CREB1: variants seen among roughly 807,000 people sequenced by gnomAD.
CREB1 encodes cAMP responsive element binding protein 1.
A neutral mutation model predicts 42.0 loss-of-function variants in CREB1; 2 were observed. That is an observed-to-expected ratio of 0.05 (90% CI 0.02 to 0.15). The LOEUF (loss-of-function observed/expected upper bound fraction) is 0.15, where lower values mean the gene tolerates loss of function less well. CREB1 is among the 10% of genes least tolerant of loss of function. The pLI is 1.00. For missense variants in CREB1, 199 were observed against 388.9 expected, an observed-to-expected ratio of 0.51 and a Z score of 4.11; for synonymous variants, 123 against 139.9, an observed-to-expected ratio of 0.88 and a Z score of 0.85.
intron 1 of CREB1, among the ~76,000 whole-genome samples, chr2:207,553,011 T>A (rs2081574158): frequency 1.3e-5 from 2 of 152,050 alleles, no homozygotes; most frequent in Admixed American, 6.6e-5. Flanking sequence ...GTTTTTTGTT[T>A]TTATATGCCA....
chr2:207,566,110 G>A (rs146644138), intron 3 of CREB1, among the ~76,000 whole-genome samples: 1 of 152,274 alleles, frequency 6.6e-6, no homozygotes, highest in African/African-American at 2.4e-5. Flanking sequence ...ACTTTAAAGT[G>A]TTTGGATGGG....
chr2:207,544,403 T>C (rs2081221557), intron 1 of CREB1, among the ~76,000 whole-genome samples: 2 of 152,204 alleles, frequency 1.3e-5, no homozygotes, highest in Non-Finnish European at 2.9e-5. Flanking sequence ...AAATAGAAGT[T>C]TATGGTTTTA....
Position 207,605,278 on chromosome 2 carries a change from A to T in CREB1, c.*8220A>T, listed in dbSNP as rs550509821. Among the ~76,000 whole-genome samples the T allele has an allele frequency of 6.6e-6, 1 of 152,136 alleles. No homozygotes were observed. Among genetic ancestry groups the T allele is most frequent in the South Asian group, 2.1e-4 (1 of 4,824 alleles). ...GCCATCCTCATGGGTGTGGTCTCTCATTGTGGTTTTGATTTGCATTTCCCT... is the reference window on the plus strand; with the variant it reads ...GCCATCCTCATGGGTGTGGTCTCTCTTTGTGGTTTTGATTTGCATTTCCCT... On this transcript the variant is annotated 3_prime_UTR_variant, in exon 8 of 8. Coordinates refer to ENST00000353267, the MANE Select transcript of CREB1 (RefSeq NM_004379.5).
chr2:207,569,692 T>C (rs139599109), intron 4 of CREB1, among the ~76,000 whole-genome samples: 2,201 of 152,188 alleles, frequency 0.014, 30 homozygotes, highest in Non-Finnish European at 0.018. Flanking sequence ...TGGGTTCCTT[T>C]TGACATCTAG....
chr2:207,596,947 A>G lies in CREB1; in HGVS notation c.873A>G (p.Lys291=), dbSNP rs887274989. Residue 291 remains lysine, a synonymous_variant, in exon 8 of 8, where the codon AAA becomes AAG. Transcript: ENST00000353267. ...EAARECRRKK[K]EYVKCLENRV... ...CTCGAGAGTGTCGTAGAAAGAAGAA[A>G]GAATATGTGAAATGTTTAGAAAACA... The G allele has an allele frequency of 6.2e-7, 1 of 1,611,448 alleles. No homozygotes were observed. The highest frequency in any genetic ancestry group is 1.1e-5 in the South Asian group (1 of 90,420).
chr2:207,574,262 T>G (rs769156122), intron 5 of CREB1, among the ~76,000 whole-genome samples: 1 of 152,218 alleles, frequency 6.6e-6, no homozygotes, highest in East Asian at 1.9e-4. Context: ...CTTTCCTGCA[T>G]TGTTTACTTT....
intron 1 of CREB1, among the ~76,000 whole-genome samples, chr2:207,534,163 A>G (rs992175436): frequency 2.6e-5 from 4 of 152,242 alleles, no homozygotes; most frequent in African/African-American, 4.8e-5. Flanking sequence ...GGGGTTAACT[A>G]TAAAGTAATA....
At chr2:207,570,136 T>G in intron 4 of CREB1, 43 bp from the exon 5 acceptor site, 2 of 1,466,692 alleles carry the variant, frequency 1.4e-6, no homozygotes, top group Non-Finnish European at 1.9e-6. Context: ...AGCCAGTAAA[T>G]TGTACTTATA....
At chr2:207,581,308 T>G in intron 7 of CREB1, 1 of 197,434 alleles carries the variant, frequency 5.1e-6, no homozygotes. Context: ...AAAATGTATT[T>G]GATATGAATT....
intron 1 of CREB1, among the ~76,000 whole-genome samples, chr2:207,554,651 A>C (rs895269649): frequency 1.1e-4 from 16 of 152,324 alleles, no homozygotes; most frequent in African/African-American, 3.6e-4. Context: ...GCTGCCATCC[A>C]GTGTTACATT....
intron 6 of CREB1, among the ~76,000 whole-genome samples, chr2:207,575,801 G>C (rs1184645849): frequency 1.3e-5 from 2 of 152,040 alleles, no homozygotes; most frequent in African/African-American, 4.8e-5. Flanking sequence ...TTGAGTAAAA[G>C]TCAGCTGCTC....
At position 207,534,962 on chromosome 2, in the gene CREB1, A is replaced by G. The variant is rs111542318; in HGVS notation, c.-9+4828A>G. Among the ~76,000 whole-genome samples the G allele has an allele frequency of 7.9e-3, 1,206 of 152,284 alleles. 18 individuals are homozygous for G. Among genetic ancestry groups the G allele is most frequent in the African/African-American group, 0.027 (1,140 of 41,550 alleles). ...CCCCACCACTTAATATGGCTTAGCA[A>G]TTTTGTATCAGCACATAAAGAGCTT... On this transcript the variant is annotated intron_variant, in intron 1 of 7. Transcript: ENST00000353267.
chr2:207,596,170 C>T (rs1193451701), intron 7 of CREB1, among the ~76,000 whole-genome samples: 1 of 152,130 alleles, frequency 6.6e-6, no homozygotes, highest in Non-Finnish European at 1.5e-5. Context: ...GGCCCAACCT[C>T]ACTCTTTTGC....
At chr2:207,531,463 A>G (rs2551639) in intron 1 of CREB1, among the ~76,000 whole-genome samples, 24,069 of 152,222 alleles carry the variant, frequency 0.16, 2,100 homozygotes, top group Middle Eastern at 0.21. Flanking sequence ...GGACAGCAGA[A>G]AAGTCATTGA....
At chr2:207,572,242 AAGAG>A (rs1277210374) in intron 5 of CREB1, among the ~76,000 whole-genome samples, 2 of 149,850 alleles carry the variant, frequency 1.3e-5, no homozygotes, top group Admixed American at 6.6e-5. Flanking sequence ...AAAAAAAAAA[AAGAG>A]AGATTAATAC....
At chr2:207,585,958 A>G (rs1463793880) in intron 7 of CREB1, among the ~76,000 whole-genome samples, 2 of 151,726 alleles carry the variant, frequency 1.3e-5, no homozygotes, top group East Asian at 3.8e-4. Context: ...ATTTAACAAA[A>G]TAATCACTGA....
chr2:207,535,393 A>G (rs1023039303), intron 1 of CREB1, among the ~76,000 whole-genome samples: 1 of 152,158 alleles, frequency 6.6e-6, no homozygotes, highest in African/African-American at 2.4e-5. Context: ...TTTCTTAATG[A>G]GAAAGAACAT....
chr2:207,605,595 G>C lies in CREB1; in HGVS notation c.*8537G>C, dbSNP rs1034019211. Among the ~76,000 whole-genome samples, 1 of 152,142 alleles carries C rather than the reference G, an allele frequency of 6.6e-6. No homozygotes were observed. The highest frequency in any genetic ancestry group is 2.4e-5 in the African/African-American group (1 of 41,414). On this transcript the variant is annotated 3_prime_UTR_variant, in exon 8 of 8. Transcript: ENST00000353267. ...TGTGTTATGTTTTTTGTGACAGTCT[G>C]TGCATATATACACAAATATAATGTA...
At chr2:207,568,934 T>C (rs977673376) in intron 4 of CREB1, among the ~76,000 whole-genome samples, 2 of 152,132 alleles carry the variant, frequency 1.3e-5, no homozygotes, top group Non-Finnish European at 2.9e-5. Context: ...ATTCCTTCTG[T>C]CGTTTTCATT....
Sources: gnomAD v4.1 joint callset for allele counts (sites outside exome capture counted in the v4.1 genomes callset) on GRCh38, gnomAD v4.1.1 for gene constraint, MANE v1.5 for transcripts, NCBI Gene and HGNC (gene_info 2026-07-23, HGNC 2026-07-21) for gene names.